Variants in C17orf67 observed in about 807,000 individuals in gnomAD.
C17orf67 encodes the protein chromosome 17 open reading frame 67, also known as uncharacterized protein C17orf67.
Under a neutral mutation model 11.2 loss-of-function variants are expected in C17orf67, and 12 were observed. The ratio of observed to expected loss-of-function variants is 1.07; its 90% CI spans 0.68 to 1.73. The LOEUF (loss-of-function observed/expected upper bound fraction) is 1.73, where lower values mean the gene tolerates loss of function less well. Among genes scored for constraint, C17orf67 ranks in the 40% most tolerant of loss-of-function variants. The probability of loss-of-function intolerance (pLI) is 0.00; values close to 1 mark genes in which losing one functional copy is unlikely to be tolerated. For missense variants in C17orf67, 115 were observed against 113.5 expected (o/e 1.01, Z -0.06); for synonymous variants, 59 against 46.9 (o/e 1.26, Z -1.05).
intron 2 of C17orf67, among the ~76,000 whole-genome samples, chr17:56,828,244 A>G (rs1377797892): frequency 6.6e-6 from 1 of 152,088 alleles, no homozygotes; most frequent in East Asian, 1.9e-4. Context: ...CATCTCTGCT[A>G]AAAATACAAA....
chr17:56,824,194 GGAGT>G (rs1446780405), intron 4 of C17orf67, among the ~76,000 whole-genome samples: 1 of 152,188 alleles, frequency 6.6e-6, no homozygotes, highest in Admixed American at 6.5e-5. Flanking sequence ...AGTTCTTATA[GGAGT>G]GAGTTAGTTC....
chr17:56,822,543 G>A (rs1905928935), intron 4 of C17orf67, among the ~76,000 whole-genome samples: 1 of 152,198 alleles, frequency 6.6e-6, no homozygotes, highest in South Asian at 2.1e-4. Flanking sequence ...AAAGAGGTAT[G>A]TGTAAAGTTC....
chr17:56,833,541 C>T (rs979888539), intron 1 of C17orf67, 77 bp downstream of exon 1: 16 of 150,520 alleles, frequency 1.1e-4, no homozygotes, highest in African/African-American at 3.9e-4. Context: ...CCCCGCTCGC[C>T]CTCGGCCTCC....
Position 56,833,146 on chromosome 17 carries a change from A to C in C17orf67, c.-805T>G, listed in dbSNP as rs1158531355. ...TAGTAGGAAGGAAGCCGCTGAGTGC[A>C]GCTGTGCGCGCCGGGGCGGTGCCTG... On this transcript the variant is annotated 5_prime_UTR_variant, in exon 2 of 8. Coordinates refer to ENST00000397861, the MANE Select transcript of C17orf67 (RefSeq NM_001085430.4). The C allele has an allele frequency of 6.6e-6, 1 of 152,404 alleles. No individual in the cohort carries two copies. Among genetic ancestry groups the C allele is most frequent in the Non-Finnish European group, 1.5e-5 (1 of 68,188 alleles). 9.4% of individuals were successfully genotyped at this position (152,404 alleles called of 1,614,324 possible).
intron 2 of C17orf67, among the ~76,000 whole-genome samples, chr17:56,826,840 T>C (rs924182874): frequency 3.3e-5 from 5 of 152,222 alleles, no homozygotes; most frequent in African/African-American, 9.7e-5. Context: ...TCTCTGTGCC[T>C]GGGTTTTTTC....
chr17:56,808,185 C>A (rs2144125425), intron 6 of C17orf67, among the ~76,000 whole-genome samples: 1 of 152,292 alleles, frequency 6.6e-6, no homozygotes, highest in East Asian at 1.9e-4. Context: ...CCACCCCATA[C>A]AACACATCCC....
chr17:56,818,036 G>A (rs1373065499), intron 4 of C17orf67, among the ~76,000 whole-genome samples: 5 of 151,716 alleles, frequency 3.3e-5, no homozygotes, highest in African/African-American at 1.2e-4. Context: ...GTAGAAATGG[G>A]TTTTGCCATA....
At chr17:56,801,700 C>T (rs1905325936) in intron 6 of C17orf67, among the ~76,000 whole-genome samples, 1 of 152,180 alleles carries the variant, frequency 6.6e-6, no homozygotes, top group Non-Finnish European at 1.5e-5. Context: ...TCCCTGGCTG[C>T]TTTCTGAACA....
rs1032930782 is a variant in C17orf67, at chr17:56,792,060, G to A, written c.*313C>T. The A allele has an allele frequency of 2.0e-5, 3 of 152,186 alleles. No individual in the cohort carries two copies. Among genetic ancestry groups the A allele is most frequent in the African/African-American group, 7.2e-5 (3 of 41,440 alleles). 9.4% of individuals were successfully genotyped at this position (152,186 alleles called of 1,614,324 possible). Reference sequence around the variant, plus strand: ...GGGCAGGCAGCCTGCCCCAACTCCTGGTCTGGGAGTTCCAGCTCCATCAAC... The same window carrying A: ...GGGCAGGCAGCCTGCCCCAACTCCTAGTCTGGGAGTTCCAGCTCCATCAAC... On this transcript the variant is annotated 3_prime_UTR_variant, in exon 8 of 8. Coordinates refer to ENST00000397861, the MANE Select transcript of C17orf67 (RefSeq NM_001085430.4).
chr17:56,815,805 C>T lies in C17orf67; in HGVS notation c.6G>A (p.Lys2=). Residue 2 remains lysine (K), a synonymous_variant, in exon 5 of 8, where the codon AAG becomes AAA. Transcript: ENST00000397861. The part of the protein sequence containing the change: M[K]TLPVLVLSLT... ...GAGACAGCACGAGCACAGGCAATGT[C>T]TTCATCCTGCCTTGGTTCCTCTGCC... is the stretch of plus-strand genomic sequence containing the variant. The T allele has an allele frequency of 6.2e-7, 1 of 1,613,928 alleles. No homozygotes were observed. Among genetic ancestry groups the T allele is most frequent in the Non-Finnish European group, 8.5e-7 (1 of 1,179,880 alleles).
chr17:56,794,247 C>T (rs979534109), intron 7 of C17orf67, among the ~76,000 whole-genome samples: 2 of 152,096 alleles, frequency 1.3e-5, no homozygotes, highest in African/African-American at 4.8e-5. Context: ...CACAGTAGCA[C>T]AAAATAAACA....
chr17:56,807,219 C>G (rs147724791), intron 6 of C17orf67, among the ~76,000 whole-genome samples: 1 of 152,258 alleles, frequency 6.6e-6, no homozygotes, highest in African/African-American at 2.4e-5. Context: ...CGGGAGCCAC[C>G]AAGTGGAATG....
At chr17:56,822,820 C>G (rs1159916874) in intron 4 of C17orf67, among the ~76,000 whole-genome samples, 1 of 152,248 alleles carries the variant, frequency 6.6e-6, no homozygotes, top group Non-Finnish European at 1.5e-5. Context: ...CTCAGCACTT[C>G]TACAGGCATA....
intron 6 of C17orf67, among the ~76,000 whole-genome samples, chr17:56,798,232 T>C (rs1433932815): frequency 2.0e-5 from 3 of 152,220 alleles, no homozygotes; most frequent in Non-Finnish European, 4.4e-5. Flanking sequence ...GCTAGACCCC[T>C]GCCACAACCT....
At chr17:56,820,506 G>C (rs980163628) in intron 4 of C17orf67, among the ~76,000 whole-genome samples, 1 of 152,198 alleles carries the variant, frequency 6.6e-6, no homozygotes, top group South Asian at 2.1e-4. Context: ...ACAGCTTTAG[G>C]ATGTGGGAAG....
intron 2 of C17orf67, among the ~76,000 whole-genome samples, chr17:56,831,143 G>A (rs1450330897): frequency 8.4e-6 from 1 of 119,156 alleles, no homozygotes. Context: ...GGAAGACCAG[G>A]TGGGAGGCTG....
chr17:56,824,651 C>G (rs1224498816), intron 4 of C17orf67, 88 bp downstream of exon 4: 10 of 152,320 alleles, frequency 6.6e-5, no homozygotes, highest in Admixed American at 5.9e-4. Context: ...AACAATCTTC[C>G]CAAGACCTTG....
chr17:56,793,626 G>C (rs1190048301), intron 7 of C17orf67, among the ~76,000 whole-genome samples: 1 of 152,226 alleles, frequency 6.6e-6, no homozygotes, highest in Non-Finnish European at 1.5e-5. Context: ...CAGAAGCAAA[G>C]AGTCAGTGAG....
chr17:56,813,222 C>T (rs562916524), intron 6 of C17orf67, among the ~76,000 whole-genome samples: 155 of 152,230 alleles, frequency 1.0e-3, no homozygotes, highest in Non-Finnish European at 2.0e-3. Flanking sequence ...ACCCCCAACC[C>T]GCCAGCCGCC....
Sources: gnomAD v4.1 joint callset for allele counts (sites outside exome capture counted in the v4.1 genomes callset) on GRCh38, gnomAD v4.1.1 for gene constraint, MANE v1.5 for transcripts, NCBI Gene and HGNC (gene_info 2026-07-23, HGNC 2026-07-21) for gene names.